PKD2: variants seen among roughly 807,000 people sequenced by gnomAD.
PKD2 encodes the protein polycystin 2, transient receptor potential cation channel, also known as polycystin-2.
Under a neutral mutation model 105.9 loss-of-function variants are expected in PKD2, and 48 were observed. The ratio of observed to expected loss-of-function variants is 0.45; its 90% CI spans 0.36 to 0.58. The LOEUF is 0.58. Ranked by LOEUF, PKD2 falls within the 20% of genes least tolerant of loss-of-function variation. PKD2 has a pLI of 0.00. For missense variants in PKD2, 1,078 were observed against 1,255.3 expected (o/e 0.86, Z 2.13); for synonymous variants, 464 against 481.1 (o/e 0.96, Z 0.46).
At position 88,073,007 on chromosome 4, in the gene PKD2, C is replaced by T. The variant is rs371387313; in HGVS notation, c.2523-1805C>T. Among the ~76,000 whole-genome samples the T allele has an allele frequency of 6.5e-4, 95 of 145,468 alleles. No individual in the cohort carries two copies. In the South Asian group the frequency reaches 9.7e-3, roughly 15 times the overall value. On this transcript the variant is annotated intron_variant, in intron 13 of 14. Coordinates refer to ENST00000237596, the MANE Select transcript of PKD2 (RefSeq NM_000297.4). ...TCAAGATTACACCATTGCACGCCAG[C>T]CTGGGCAACAGAGTGAGACTCTGTC...
At position 88,063,531 on chromosome 4, in the gene PKD2, CA is replaced by C. The variant is rs202112108; in HGVS notation, c.2118+1539del. On this transcript the variant is annotated intron_variant, in intron 10 of 14. Transcript: ENST00000237596. ...GGGTAACAAGAGCGAAACTCCGTCT[CA>C]AAAAAAAAAAAGAAAAGAAAAGAAA... Among the ~76,000 whole-genome samples, 840 of 98,028 alleles carry C rather than the reference CA, an allele frequency of 8.6e-3. 8 individuals carry two copies. Among genetic ancestry groups the C allele is most frequent in the African/African-American group, 0.031 (761 of 24,546 alleles). 64.3% of individuals were successfully genotyped at this position (98,028 alleles called of 152,430 possible). A position where few individuals can be genotyped will look rare whatever the true frequency, so the allele number is the denominator to read the frequency against.
At chr4:88,071,975 CTTTTTTTTTTTT>C (rs1199490302) in intron 13 of PKD2, among the ~76,000 whole-genome samples, 3 of 87,110 alleles carry the variant, frequency 3.4e-5, no homozygotes, top group Admixed American at 1.4e-4. Flanking sequence ...AGAGGCCAGT[CTTTTTTTTTTTT>C]TTTTTTTTTT....
At chr4:88,013,709 T>TA (rs199674454) in intron 1 of PKD2, among the ~76,000 whole-genome samples, 588 of 131,100 alleles carry the variant, frequency 4.5e-3, no homozygotes, top group African/African-American at 9.5e-3. Context: ...AGCCTGTATC[T>TA]AAAAAAAAAA....
At chr4:88,042,441 G>A (rs1243238258) in intron 4 of PKD2, among the ~76,000 whole-genome samples, 3 of 152,132 alleles carry the variant, frequency 2.0e-5, no homozygotes, top group Non-Finnish European at 4.4e-5. Flanking sequence ...GGGAATTGTG[G>A]GAGTTACAAT....
intron 5 of PKD2, 35 bp downstream of exon 5, chr4:88,043,492 G>A: frequency 2.1e-6 from 3 of 1,437,956 alleles, no homozygotes; most frequent in Non-Finnish European, 2.9e-6. Flanking sequence ...TCCTATTTCT[G>A]TGTGGTTGTA....
chr4:88,036,242 C>T lies in PKD2; in HGVS notation c.732C>T (p.Ser244=), dbSNP rs1727325780. 10 of 1,613,598 alleles carry T rather than the reference C, an allele frequency of 6.2e-6. No homozygotes were observed. Among genetic ancestry groups the T allele is most frequent in the African/African-American group, 1.3e-5 (1 of 74,886 alleles). Residue 244 remains serine, a synonymous_variant, in exon 3 of 15, where the codon TCC becomes TCT. Coordinates refer to ENST00000237596, the MANE Select transcript of PKD2 (RefSeq NM_000297.4). ...CAGTGACCTACGGCATGATGAGCTC[C>T]AATGTGTACTACTACACCCGGATGA... ...LCILTYGMMS[S]NVYYYTRMMS...
chr4:88,046,937 C>A, intron 6 of PKD2, 67 bp downstream of exon 6: 1 of 913,732 alleles, frequency 1.1e-6, no homozygotes, highest in Non-Finnish European at 1.8e-6. Context: ...AGTCTTTGAT[C>A]TCCTCAGCAT....
Position 88,038,406 on chromosome 4 carries a change from C to T in PKD2, c.999C>T (p.Ile333=), listed in dbSNP as rs1560608724. 1 of 1,612,766 alleles carries T rather than the reference C, an allele frequency of 6.2e-7. No individual in the cohort carries two copies. The change falls in exon 4 of 15, where the codon ATC becomes ATT. Residue 333 remains isoleucine (I), a synonymous_variant. Transcript: ENST00000237596. The part of the protein sequence containing the change: ...QLRVRNGSCS[I]PQDLRDEIKE... ...GAGTCAGAAATGGATCCTGCTCTATCCCCCAGGACTTGAGAGATGAAATTA... is the reference window on the plus strand; with the variant it reads ...GAGTCAGAAATGGATCCTGCTCTATTCCCCAGGACTTGAGAGATGAAATTA...
At chr4:88,042,324 T>C (rs1429172569) in intron 4 of PKD2, among the ~76,000 whole-genome samples, 1 of 152,212 alleles carries the variant, frequency 6.6e-6, no homozygotes, top group Non-Finnish European at 1.5e-5. Context: ...ATCCCACTTA[T>C]AAAACCATCA....
rs201959614 is a variant in PKD2 at position 88,040,389 on chromosome 4, AG to A, written c.1094+1889del. ...GCCTTGAACAATGCCTCATATGTAAAGATACTAATAAATATGTGCTGGATGC... is the reference window on the plus strand; with the variant it reads ...GCCTTGAACAATGCCTCATATGTAAAATACTAATAAATATGTGCTGGATGC... On this transcript the variant is annotated intron_variant, in intron 4 of 14. Transcript: ENST00000237596. Among the ~76,000 whole-genome samples the A allele has an allele frequency of 2.0e-5, 3 of 152,316 alleles. No individual in the cohort carries two copies. In the East Asian group the frequency reaches 5.8e-4, roughly 29 times the overall value.
At chr4:88,030,156 T>G (rs1351452544) in intron 2 of PKD2, among the ~76,000 whole-genome samples, 1 of 152,108 alleles carries the variant, frequency 6.6e-6, no homozygotes, top group African/African-American at 2.4e-5. Flanking sequence ...ATTTATTTAT[T>G]TATGTATTTA....
intron 12 of PKD2, among the ~76,000 whole-genome samples, chr4:88,066,598 C>T (rs1177932524): frequency 6.6e-6 from 1 of 151,996 alleles, no homozygotes; most frequent in Non-Finnish European, 1.5e-5. Context: ...AGCAATCTGC[C>T]CACCTTGGCC....
At chr4:88,029,377 C>T (rs1439217445) in intron 2 of PKD2, among the ~76,000 whole-genome samples, 2 of 152,322 alleles carry the variant, frequency 1.3e-5, no homozygotes, top group East Asian at 3.9e-4. Context: ...CACTCATGAG[C>T]TCTGAACCTA....
intron 7 of PKD2, among the ~76,000 whole-genome samples, chr4:88,053,845 C>T (rs934794727): frequency 1.3e-5 from 2 of 152,206 alleles, no homozygotes; most frequent in African/African-American, 2.4e-5. Context: ...TCTATATTTT[C>T]ATTGTCCTAG....
rs1335272881 is a variant in PKD2, at chr4:88,075,472, T to C, written c.2685T>C (p.Gly895=). Reference sequence around the variant, plus strand: ...TCCCTTTTTAGGATGAAAGGCTGGGTCGTGACAGTGAAATCCATAGGGAAC... The same window carrying C: ...TCCCTTTTTAGGATGAAAGGCTGGGCCGTGACAGTGAAATCCATAGGGAAC... The part of the protein sequence containing the change: ...LDGVAEDERL[G]RDSEIHREQM... The change falls in exon 15 of 15, where the codon GGT becomes GGC. Residue 895 remains glycine (G), a synonymous_variant. Coordinates refer to ENST00000237596, the MANE Select transcript of PKD2 (RefSeq NM_000297.4). The C allele has an allele frequency of 1.2e-6, 2 of 1,613,848 alleles. No individual in the cohort carries two copies. Among genetic ancestry groups the C allele is most frequent in the South Asian group, 1.1e-5 (1 of 91,058 alleles).
chr4:88,035,592 C>T (rs1256458589), intron 2 of PKD2, among the ~76,000 whole-genome samples: 1 of 152,096 alleles, frequency 6.6e-6, no homozygotes, highest in Non-Finnish European at 1.5e-5. Flanking sequence ...TTAGAGTCTC[C>T]ACTGCCAAAC....
At chr4:88,017,795 G>A (rs903478596) in intron 1 of PKD2, among the ~76,000 whole-genome samples, 9 of 152,192 alleles carry the variant, frequency 5.9e-5, no homozygotes, top group African/African-American at 1.9e-4. Flanking sequence ...AATCATGGCT[G>A]TTCCTTAGTG....
intron 4 of PKD2, 79 bp downstream of exon 4, chr4:88,038,580 C>A: frequency 6.9e-7 from 1 of 1,450,134 alleles, no homozygotes; most frequent in South Asian, 1.1e-5. Context: ...TTCATTCATT[C>A]CCTGACACCT....
At chr4:88,029,530 T>A (rs997913759) in intron 2 of PKD2, among the ~76,000 whole-genome samples, 1 of 152,160 alleles carries the variant, frequency 6.6e-6, no homozygotes, top group Admixed American at 6.5e-5. Flanking sequence ...TCATCCTAGA[T>A]GCTTTCCCTT....
Sources: gnomAD v4.1 joint callset for allele counts (sites outside exome capture counted in the v4.1 genomes callset) on GRCh38, gnomAD v4.1.1 for gene constraint, MANE v1.5 for transcripts, NCBI Gene and HGNC (gene_info 2026-07-23, HGNC 2026-07-21) for gene names.